Variants in OLFM4 observed in about 807,000 individuals in gnomAD.
OLFM4 encodes olfactomedin 4.
In OLFM4, 22 loss-of-function variants were observed where a neutral mutation model predicts 25.5. That is an observed-to-expected ratio of 0.86 (90% CI 0.62 to 1.23). The LOEUF (loss-of-function observed/expected upper bound fraction) is 1.23, where lower values mean the gene tolerates loss of function less well. OLFM4 is among the 50% of genes most tolerant of loss of function. OLFM4 has a pLI of 0.00. For synonymous variants in OLFM4, 255 were observed against 237.7 expected, an observed-to-expected ratio of 1.07 and a Z score of -0.67; for missense variants, 594 against 619.4, an observed-to-expected ratio of 0.96 and a Z score of 0.44.
intron 2 of OLFM4, among the ~76,000 whole-genome samples, chr13:53,040,189 A>G (rs138166729): frequency 6.6e-6 from 1 of 152,228 alleles, no homozygotes; most frequent in Admixed American, 6.5e-5. Flanking sequence ...AGAACCACCA[A>G]CTGTGTTTAT....
In OLFM4 at chr13:53,034,328, C is replaced by T. The variant is rs1332986380; in HGVS notation, c.205-20C>T. 4 of 1,605,048 alleles carry T rather than the reference C, an allele frequency of 2.5e-6. No homozygotes were observed. Among genetic ancestry groups the T allele is most frequent in the Non-Finnish European group, 3.4e-6 (4 of 1,177,330 alleles). ...CAGATTCCAGCTTGTTATTGATGTT[C>T]AACTTGTTATTATTTGCAGTTGTTT... On this transcript the variant is annotated intron_variant, in intron 1 of 4. Transcript: ENST00000219022.
chr13:53,049,546 G>A lies in OLFM4; in HGVS notation c.731-423G>A, dbSNP rs1338222931. ...CTTGTGGATTTATAGAAATAGGGTA[G>A]GATTGTGGAATAATCTTGCTTCCTT... On this transcript the variant is annotated intron_variant, in intron 4 of 4. Transcript: ENST00000219022. 2.0e-5 allele frequency among the ~76,000 whole-genome samples: 3 copies of A among 151,956 alleles called. No homozygotes were observed. In the East Asian group the frequency reaches 5.8e-4, roughly 29 times the overall value.
intron 1 of OLFM4, 140 bp downstream of exon 1, chr13:53,029,180 G>A (rs1238389748): frequency 1.0e-5 from 13 of 1,245,704 alleles, no homozygotes; most frequent in African/African-American, 3.0e-5. Flanking sequence ...TAGGTGCCCC[G>A]GAAATGAATT....
chr13:53,050,497 C>G lies in OLFM4; in HGVS notation c.1259C>G (p.Thr420Ser). The G allele has an allele frequency of 6.2e-7, 1 of 1,614,076 alleles. No individual in the cohort carries two copies. The highest frequency in any genetic ancestry group is 8.5e-7 in the Non-Finnish European group (1 of 1,179,974). The change falls in exon 5 of 5, where the codon ACT (threonine) becomes AGT (serine). Residue 420 changes from threonine (T) to serine (S), a missense_variant. By Grantham distance (58) the Thr-to-Ser change is moderately conservative (BLOSUM62 1). Transcript: ENST00000219022. ...GACACCACACTTCAGGTGCTAAACA[C>G]TTGGTATACCAAGCAGTATAAACCA... The part of the protein sequence containing the change: ...LNDTTLQVLN[T>S]WYTKQYKPSA...
At position 53,049,963 on chromosome 13, in the gene OLFM4, G is replaced by A. The variant is rs775066305; in HGVS notation, c.731-6G>A. 4.4e-6 allele frequency: 7 copies of A among 1,590,014 alleles called. No individual in the cohort carries two copies. Among genetic ancestry groups the A allele is most frequent in the Middle Eastern group, 1.7e-4 (1 of 5,950 alleles). On this transcript the variant is annotated splice_region_variant and splice_polypyrimidine_tract_variant and intron_variant, in intron 4 of 4. Transcript: ENST00000219022. ...AAAATGCCTTTTTATTTTCTTGTTTGTATAGGGAGCTGTGGTCATGGTGGT... is the reference window on the plus strand; with the variant it reads ...AAAATGCCTTTTTATTTTCTTGTTTATATAGGGAGCTGTGGTCATGGTGGT...
At position 53,050,650 on chromosome 13, in the gene OLFM4, T is replaced by G. The variant is rs1954743013; in HGVS notation, c.1412T>G (p.Met471Arg). Residue 471 changes from methionine to arginine, a missense_variant, in exon 5 of 5, where the codon ATG becomes AGG. Coordinates refer to ENST00000219022, the MANE Select transcript of OLFM4 (RefSeq NM_006418.5). ...AAAGAGGGCAAACTAGACATTGTAA[T>G]GCATAAGATGCAGGAAAAAGTGCAG... ...TGKEGKLDIV[M>R]HKMQEKVQSI... The G allele has an allele frequency of 6.2e-7, 1 of 1,613,964 alleles. No homozygotes were observed. Among genetic ancestry groups the G allele is most frequent in the Non-Finnish European group, 8.5e-7 (1 of 1,179,944 alleles).
At chr13:53,034,918 C>T (rs983858405) in intron 2 of OLFM4, among the ~76,000 whole-genome samples, 4 of 152,160 alleles carry the variant, frequency 2.6e-5, no homozygotes, top group Non-Finnish European at 5.9e-5. Context: ...TCTCCCTTCT[C>T]TTTTTCCTTT....
chr13:53,033,436 C>T (rs1566315301), intron 1 of OLFM4, among the ~76,000 whole-genome samples: 1 of 152,186 alleles, frequency 6.6e-6, no homozygotes, highest in Non-Finnish European at 1.5e-5. Flanking sequence ...TATATTTTCA[C>T]TGTAGCCCAC....
chr13:53,046,082 A>G (rs1351589021), intron 4 of OLFM4, among the ~76,000 whole-genome samples: 1 of 152,166 alleles, frequency 6.6e-6, no homozygotes, highest in Non-Finnish European at 1.5e-5. Context: ...GAAGAGCCAC[A>G]TGTTGAACAG....
At chr13:53,049,912 T>C in intron 4 of OLFM4, 57 bp from the exon 5 acceptor site, 1 of 1,484,326 alleles carries the variant, frequency 6.7e-7, no homozygotes. Context: ...ATTAAACTAT[T>C]TGTATCCTGT....
At position 53,051,767 on chromosome 13, in the gene OLFM4, G is replaced by T. The variant is rs1037481940; in HGVS notation, c.*996G>T. 1 of 152,104 alleles carries T rather than the reference G, an allele frequency of 6.6e-6. No homozygotes were observed. The highest frequency in any genetic ancestry group is 2.1e-4 in the South Asian group (1 of 4,826). The allele number at this position is 152,104 out of a possible 1,614,324, so 9.4% of individuals were successfully genotyped here. A position where few individuals can be genotyped will look rare whatever the true frequency, so the allele number is the denominator to read the frequency against. On this transcript the variant is annotated 3_prime_UTR_variant, in exon 5 of 5. Coordinates refer to ENST00000219022, the MANE Select transcript of OLFM4 (RefSeq NM_006418.5). ...TGTGCAACTTATGAGTGTATCAGTT[G>T]TTGCATGTAATTTTTGCCTTTGTTT... is the stretch of plus-strand genomic sequence containing the variant.
In OLFM4 at chr13:53,050,326, C is replaced by T; in HGVS notation, c.1088C>T (p.Thr363Ile). 1 of 1,614,100 alleles carries T rather than the reference C, an allele frequency of 6.2e-7. No homozygotes were observed. The highest frequency in any genetic ancestry group is 1.3e-5 in the African/African-American group (1 of 75,026). The part of the protein sequence containing the change: ...LTTNTIAVTQ[T>I]LPNAAYNNRF... ...ACCAACACGATTGCTGTGACTCAAA[C>T]TCTCCCTAATGCTGCCTATAATAAC... Residue 363 changes from threonine (T) to isoleucine (I), a missense_variant, in exon 5 of 5, where the codon ACT becomes ATT. Coordinates refer to ENST00000219022, the MANE Select transcript of OLFM4 (RefSeq NM_006418.5).
chr13:53,044,570 A>T (rs556540947), intron 4 of OLFM4, among the ~76,000 whole-genome samples: 3 of 152,096 alleles, frequency 2.0e-5, no homozygotes, highest in African/African-American at 7.2e-5. Context: ...CCCTCTGCAA[A>T]TAGGAGTGTG....
rs1315182740 is a variant in OLFM4, at chr13:53,051,031, T to C, written c.*260T>C. ...CAGAGGTCTAGGGGCACTGTGGGCC[T>C]AGTGAAGCCTACTGTGAGGAGGCTT... On this transcript the variant is annotated 3_prime_UTR_variant, in exon 5 of 5. Transcript: ENST00000219022. The C allele has an allele frequency of 5.1e-6, 2 of 389,600 alleles. No homozygotes were observed. The highest frequency in any genetic ancestry group is 4.2e-5 in the African/African-American group (2 of 48,108). 24.1% of individuals were successfully genotyped at this position (389,600 alleles called of 1,614,324 possible).
chr13:53,033,203 G>A (rs1285825167), intron 1 of OLFM4, among the ~76,000 whole-genome samples: 3 of 152,180 alleles, frequency 2.0e-5, no homozygotes, highest in Non-Finnish European at 4.4e-5. Context: ...TTAAAAATAT[G>A]CGGTGGCACT....
chr13:53,043,679 T>TG (rs1360643040), intron 4 of OLFM4, among the ~76,000 whole-genome samples: 7 of 152,142 alleles, frequency 4.6e-5, no homozygotes, highest in African/African-American at 1.7e-4. Flanking sequence ...GAGCTGGGTT[T>TG]ATGCCTTTGA....
At position 53,043,215 on chromosome 13, in the gene OLFM4, G is replaced by C; in HGVS notation, c.681G>C (p.Glu227Asp). Residue 227 changes from glutamate (E) to aspartate (D), a missense_variant, in exon 4 of 5, where the codon GAG becomes GAC. Coordinates refer to ENST00000219022, the MANE Select transcript of OLFM4 (RefSeq NM_006418.5). ...TGAAGACCAAGCTGAAAGAGTGTGA[G>C]GCCTCTAAAGATCAAAACACCCCTG... ...VALKTKLKECEASKDQNTPVV... is the reference protein window; with the variant it reads ...VALKTKLKECDASKDQNTPVV... 1 of 1,612,390 alleles carries C rather than the reference G, an allele frequency of 6.2e-7. No homozygotes were observed. Among genetic ancestry groups the C allele is most frequent in the South Asian group, 1.1e-5 (1 of 90,842 alleles).
rs772963000 is a variant in OLFM4, at chr13:53,029,001, C to A, written c.165C>A (p.Ser55Arg). Residue 55 changes from serine to arginine, a missense_variant, in exon 1 of 5, where the codon AGC (serine) becomes AGA (arginine). Physicochemically the swap from Ser to Arg is moderately radical, Grantham distance 110. Coordinates refer to ENST00000219022, the MANE Select transcript of OLFM4 (RefSeq NM_006418.5). Reference sequence around the variant, plus strand: ...GCTCCAGCTCCAGGTCGGGCTCCAGCTCCAGCCGCAGCTTAGGCAGCGGAG... The same window carrying A: ...GCTCCAGCTCCAGGTCGGGCTCCAGATCCAGCCGCAGCTTAGGCAGCGGAG... The part of the protein sequence containing the change: ...SFSSSSRSGS[S>R]SSRSLGSGGS... 2.5e-6 allele frequency: 4 copies of A among 1,614,208 alleles called. No homozygotes were observed. The highest frequency in any genetic ancestry group is 3.4e-6 in the Non-Finnish European group (4 of 1,180,042).
Position 53,050,074 on chromosome 13 carries a change from C to T in OLFM4, c.836C>T (p.Ser279Phe), listed in dbSNP as rs1385357449. The T allele has an allele frequency of 5.6e-6, 9 of 1,613,838 alleles. No homozygotes were observed. Among genetic ancestry groups the T allele is most frequent in the African/African-American group, 2.7e-5 (2 of 74,886 alleles). ...TATGGTGCTTGGGGTAGGGATTACT[C>T]TCCCCAGCATCCAAACAAAGGACTG... is the stretch of plus-strand genomic sequence containing the variant. ...YLYGAWGRDY[S>F]PQHPNKGLYW... The change falls in exon 5 of 5, where the codon TCT becomes TTT. Residue 279 changes from serine (S) to phenylalanine (F), a missense_variant. Coordinates refer to ENST00000219022, the MANE Select transcript of OLFM4 (RefSeq NM_006418.5).
Sources: allele counts gnomAD v4.1 joint callset (sites outside exome capture counted in the v4.1 genomes callset), GRCh38; gene constraint gnomAD v4.1.1; transcripts MANE v1.5; gene names NCBI Gene and HGNC (gene_info 2026-07-23, HGNC 2026-07-21).